The following JARID2 variants were observed in gnomAD, a reference collection of about 807,000 sequenced individuals.
JARID2 encodes jumonji and AT-rich interaction domain containing 2.
Under a neutral mutation model 125.6 loss-of-function variants are expected in JARID2, and 21 were observed. That is an observed-to-expected ratio of 0.17 (90% confidence interval 0.12 to 0.24). The LOEUF (loss-of-function observed/expected upper bound fraction) is 0.24. JARID2 is among the 10% of genes least tolerant of loss of function. The probability of loss-of-function intolerance (pLI) is 1.00; values close to 1 mark genes in which losing one functional copy is unlikely to be tolerated. For missense variants in JARID2, 1,303 were observed against 1,639.6 expected, an observed-to-expected ratio of 0.79 and a Z score of 3.55; for synonymous variants, 736 against 661.6, an observed-to-expected ratio of 1.11 and a Z score of -1.73.
At chr6:15,415,106 T>C (rs1766079969) in intron 3 of JARID2, among the ~76,000 whole-genome samples, 1 of 152,194 alleles carries the variant, frequency 6.6e-6, no homozygotes, top group Non-Finnish European at 1.5e-5. Context: ...ACACAGCACA[T>C]GTTTCAGAGA....
chr6:15,509,386 T>A, intron 12 of JARID2: 2 of 984,786 alleles, frequency 2.0e-6, no homozygotes, highest in South Asian at 9.4e-5. Context: ...GTTCTCCCTC[T>A]TTGGAGCCAG....
chr6:15,510,607 G>A (rs1024405748), intron 12 of JARID2, among the ~76,000 whole-genome samples: 1 of 152,212 alleles, frequency 6.6e-6, no homozygotes, highest in African/African-American at 2.4e-5. Context: ...ATGAGCCCTT[G>A]ATCCTCCTGT....
chr6:15,304,977 G>A (rs1439007388), intron 1 of JARID2, among the ~76,000 whole-genome samples: 2 of 152,030 alleles, frequency 1.3e-5, no homozygotes, highest in East Asian at 3.9e-4. Context: ...AGTTATGATG[G>A]AACATTTAAG....
rs1386964027 is a variant in JARID2, at chr6:15,386,378, G to A, written c.181+12126G>A. On this transcript the variant is annotated intron_variant, in intron 2 of 17. Transcript: ENST00000341776. ...AAACCACATATCTCCAGTATGTCTT[G>A]TTGTGACAAGTGTACACATATAACC... Among the ~76,000 whole-genome samples the A allele has an allele frequency of 2.0e-5, 3 of 152,066 alleles. No individual in the cohort carries two copies. The East Asian group carries it at 5.8e-4, about 29-fold the overall frequency.
intron 3 of JARID2, among the ~76,000 whole-genome samples, chr6:15,418,049 C>T (rs552575975): frequency 6.6e-6 from 1 of 152,084 alleles, no homozygotes; most frequent in Non-Finnish European, 1.5e-5. Context: ...TGTAAATTTC[C>T]TCTGCCGAGC....
chr6:15,364,018 CAA>C (rs1445891517), intron 1 of JARID2, among the ~76,000 whole-genome samples: 1 of 152,068 alleles, frequency 6.6e-6, no homozygotes, highest in East Asian at 1.9e-4. Context: ...ATGAGATAGA[CAA>C]AAATAAACTG....
chr6:15,452,787 T>G (rs187818641), intron 4 of JARID2, among the ~76,000 whole-genome samples: 6 of 152,350 alleles, frequency 3.9e-5, no homozygotes, highest in Admixed American at 1.3e-4. Context: ...AGTTTCCTTA[T>G]TACTAAGTTT....
At chr6:15,316,067 A>C (rs368188993) in intron 1 of JARID2, among the ~76,000 whole-genome samples, 66 of 152,268 alleles carry the variant, frequency 4.3e-4, no homozygotes, top group African/African-American at 1.5e-3. Flanking sequence ...CTAATACGAA[A>C]AGTACCACTG....
chr6:15,455,706 ATTT>A (rs1768136934), intron 4 of JARID2, among the ~76,000 whole-genome samples: 2 of 151,964 alleles, frequency 1.3e-5, no homozygotes, highest in Non-Finnish European at 2.9e-5. Context: ...TAATTTTTGT[ATTT>A]TTAGTAGAGA....
intron 3 of JARID2, among the ~76,000 whole-genome samples, chr6:15,425,765 T>G (rs1254828862): frequency 1.3e-5 from 2 of 152,206 alleles, no homozygotes; most frequent in Non-Finnish European, 2.9e-5. Flanking sequence ...AATAGAAGCC[T>G]CAAATGGACT....
At chr6:15,433,044 C>T (rs1767035604) in intron 3 of JARID2, among the ~76,000 whole-genome samples, 1 of 152,172 alleles carries the variant, frequency 6.6e-6, no homozygotes, top group South Asian at 2.1e-4. Flanking sequence ...AGTATGCTCC[C>T]AAGTGATTCT....
At chr6:15,464,393 G>C (rs746934463) in intron 4 of JARID2, among the ~76,000 whole-genome samples, 2 of 152,194 alleles carry the variant, frequency 1.3e-5, no homozygotes, top group Non-Finnish European at 2.9e-5. Context: ...TGATGAGATG[G>C]ACAGGTATGA....
chr6:15,396,942 T>G (rs1034114110), intron 2 of JARID2, among the ~76,000 whole-genome samples: 1 of 152,216 alleles, frequency 6.6e-6, no homozygotes, highest in Non-Finnish European at 1.5e-5. Flanking sequence ...ATTGGTATTA[T>G]TTTATAATTG....
At chr6:15,346,401 G>A (rs529989478) in intron 1 of JARID2, among the ~76,000 whole-genome samples, 2 of 152,304 alleles carry the variant, frequency 1.3e-5, no homozygotes, top group South Asian at 4.1e-4. Context: ...TTAAATCCAT[G>A]AGTCGCCTCC....
At chr6:15,380,211 T>C (rs1764527020) in intron 2 of JARID2, among the ~76,000 whole-genome samples, 1 of 151,884 alleles carries the variant, frequency 6.6e-6, no homozygotes, top group Non-Finnish European at 1.5e-5. Flanking sequence ...AACTTTTATA[T>C]TTTAGTAGAG....
At chr6:15,395,410 C>T (rs527446977) in intron 2 of JARID2, among the ~76,000 whole-genome samples, 15 of 152,018 alleles carry the variant, frequency 9.9e-5, no homozygotes, top group African/African-American at 3.1e-4. Context: ...GGACTACAGG[C>T]GTGCACCACT....
chr6:15,358,206 A>G (rs1324063615), intron 1 of JARID2, among the ~76,000 whole-genome samples: 3 of 152,188 alleles, frequency 2.0e-5, no homozygotes, highest in Non-Finnish European at 4.4e-5. Flanking sequence ...TTTGTGTAAT[A>G]TAACCTGTTT....
chr6:15,426,438 A>G (rs574501687), intron 3 of JARID2, among the ~76,000 whole-genome samples: 1 of 152,340 alleles, frequency 6.6e-6, no homozygotes, highest in South Asian at 2.1e-4. Context: ...CAGGCTGCAC[A>G]TTGGACAGGC....
At chr6:15,292,586 C>G (rs2127397916) in intron 1 of JARID2, among the ~76,000 whole-genome samples, 1 of 152,164 alleles carries the variant, frequency 6.6e-6, no homozygotes, top group African/African-American at 2.4e-5. Flanking sequence ...CAGAGAGCAC[C>G]CCAGGGCCCA....
Sources: gnomAD v4.1 joint callset for allele counts (sites outside exome capture counted in the v4.1 genomes callset) on GRCh38, gnomAD v4.1.1 for gene constraint, MANE v1.5 for transcripts, NCBI Gene and HGNC (gene_info 2026-07-23, HGNC 2026-07-21) for gene names.